Variants in POLR1B observed in about 807,000 individuals in gnomAD.
POLR1B encodes DNA-directed RNA polymerase I subunit RPA2.
A neutral mutation model predicts 105.8 loss-of-function variants in POLR1B; 30 were observed. The ratio of observed to expected loss-of-function variants is 0.28; its 90% CI spans 0.21 to 0.38. POLR1B has a LOEUF of 0.38. Ranked by LOEUF, POLR1B falls within the 10% of genes least tolerant of loss-of-function variation. The pLI, the probability that POLR1B is intolerant of heterozygous loss-of-function variation, is 1.00. For missense variants in POLR1B, 976 were observed against 1,435.8 expected (o/e 0.68, Z 5.17); for synonymous variants, 485 against 505.1 (o/e 0.96, Z 0.53).
chr2:112,542,481 G>T lies in POLR1B; in HGVS notation c.-14G>T, dbSNP rs1436120868. On this transcript the variant is annotated 5_prime_UTR_variant, in exon 1 of 15. Coordinates refer to ENST00000263331, the MANE Select transcript of POLR1B (RefSeq NM_019014.6). Reference sequence around the variant, plus strand: ...GTGTACCGAGAGACTGGCGTCCGGTGTGCAGGTGGCCACATGGATCCTGGC... The same window carrying T: ...GTGTACCGAGAGACTGGCGTCCGGTTTGCAGGTGGCCACATGGATCCTGGC... 38 of 1,613,384 alleles carry T rather than the reference G, an allele frequency of 2.4e-5. No individual in the cohort carries two copies. Among genetic ancestry groups the T allele is most frequent in the Non-Finnish European group, 3.1e-5 (36 of 1,179,968 alleles).
chr2:112,559,188 T>C, intron 8 of POLR1B, 105 bp from the exon 9 acceptor site: 10 of 1,286,266 alleles, frequency 7.8e-6, no homozygotes, highest in Non-Finnish European at 1.1e-5. Flanking sequence ...TAATAATTCA[T>C]TCTATGATCT....
At chr2:112,566,934 T>C (rs1684313027) in intron 10 of POLR1B, among the ~76,000 whole-genome samples, 2 of 152,132 alleles carry the variant, frequency 1.3e-5, no homozygotes, top group Non-Finnish European at 2.9e-5. Context: ...GGTTTCTCCA[T>C]GTTGCCCCGG....
intron 10 of POLR1B, among the ~76,000 whole-genome samples, chr2:112,566,613 G>A (rs1057183218): frequency 6.6e-6 from 1 of 152,130 alleles, no homozygotes; most frequent in Non-Finnish European, 1.5e-5. Context: ...GAAAGTGTAT[G>A]AGATTTGATC....
rs1213649698 is a variant in POLR1B at position 112,575,546 on chromosome 2, T to C, written c.3225T>C (p.Ser1075=). 3 of 1,614,184 alleles carry C rather than the reference T, an allele frequency of 1.9e-6. No individual in the cohort carries two copies. The highest frequency in any genetic ancestry group is 4.5e-5 in the East Asian group (2 of 44,884). Residue 1075 remains serine, a synonymous_variant, in exon 15 of 15, where the codon AGT becomes AGC. Transcript: ENST00000263331. The surrounding 1 kb of genome is among the most constrained non-coding windows in gnomAD (Gnocchi z 5.3). ...SVAHVCVKCG[S]LLSPLLEKPP... ...CCCATGTGTGTGTGAAGTGTGGCAG[T>C]TTACTCTCTCCACTGTTGGAGAAGC...
At position 112,568,023 on chromosome 2, in the gene POLR1B, A is replaced by T. The variant is rs1452765693; in HGVS notation, c.1803A>T (p.Thr601=). 3 of 1,614,172 alleles carry T rather than the reference A, an allele frequency of 1.9e-6. No homozygotes were observed. Among genetic ancestry groups the T allele is most frequent in the Admixed American group, 1.7e-5 (1 of 60,034 alleles). The change falls in exon 11 of 15, where the codon ACA becomes ACT. Residue 601 remains threonine (T), a synonymous_variant. Coordinates refer to ENST00000263331, the MANE Select transcript of POLR1B (RefSeq NM_019014.6). Reference sequence around the variant, plus strand: ...TGGAAGTGGTCCTTATACCCATGACAGGAAAACCAAGTCTGTACCCAGGAT... The same window carrying T: ...TGGAAGTGGTCCTTATACCCATGACTGGAAAACCAAGTCTGTACCCAGGAT... ...PWMEVVLIPM[T]GKPSLYPGLF...
rs762890024 is a variant in POLR1B, at chr2:112,566,390, T to TG, written c.1747-1577_1747-1576insG. On this transcript the variant is annotated intron_variant, in intron 10 of 14. Transcript: ENST00000263331. Reference sequence around the variant, plus strand: ...GTTGATGGATTATTAGCTGAATTACTATTCCATTGGTGGTTCTTTGCTGAG... The same window carrying TG: ...GTTGATGGATTATTAGCTGAATTACTGATTCCATTGGTGGTTCTTTGCTGAG... Among the ~76,000 whole-genome samples the TG allele has an allele frequency of 3.9e-5, 6 of 152,364 alleles. No homozygotes were observed. The South Asian group carries it at 1.2e-3, about 32-fold the overall frequency.
intron 9 of POLR1B, among the ~76,000 whole-genome samples, chr2:112,563,999 C>A (rs1357061079): frequency 6.6e-6 from 1 of 152,168 alleles, no homozygotes; most frequent in Middle Eastern, 3.2e-3. Flanking sequence ...TAGCTTCAGG[C>A]TCTACTTCTA....
In POLR1B at chr2:112,571,837, C is replaced by G. The variant is rs186246164; in HGVS notation, c.2075-725C>G. Among the ~76,000 whole-genome samples the G allele has an allele frequency of 3.8e-4, 58 of 152,240 alleles. 1 individual carries two copies. In the East Asian group the frequency reaches 7.9e-3, roughly 21 times the overall value. On this transcript the variant is annotated intron_variant, in intron 12 of 14. Coordinates refer to ENST00000263331, the MANE Select transcript of POLR1B (RefSeq NM_019014.6). ...ATACTTAAAAACCTGGAAATTCACCCAGTGTGTTCCTTTTGTCCAAGTAAA... is the reference window on the plus strand; with the variant it reads ...ATACTTAAAAACCTGGAAATTCACCGAGTGTGTTCCTTTTGTCCAAGTAAA...
chr2:112,558,636 T>G (rs13002935), intron 8 of POLR1B, among the ~76,000 whole-genome samples: 5 of 152,092 alleles, frequency 3.3e-5, no homozygotes. Flanking sequence ...TTTTCTTTTT[T>G]GAGTCAGGGT....
chr2:112,569,399 A>AG (rs1266930906), intron 12 of POLR1B, among the ~76,000 whole-genome samples: 1 of 152,092 alleles, frequency 6.6e-6, no homozygotes, highest in Non-Finnish European at 1.5e-5. Context: ...TTATCTGAAA[A>AG]TGTCTTTATT....
rs763593327 is a variant in POLR1B at position 112,542,684 on chromosome 2, T to C, written c.177+13T>C. 1.2e-6 allele frequency: 2 copies of C among 1,610,228 alleles called. No individual in the cohort carries two copies. The highest frequency in any genetic ancestry group is 1.7e-6 in the Non-Finnish European group (2 of 1,178,128). ...CCTCGCGGTGCAGGTGAGCGCGGCG[T>C]CCGCCGGCGCCCTTGCCGCGGCGAG... On this transcript the variant is annotated intron_variant, in intron 1 of 14. Transcript: ENST00000263331.
intron 12 of POLR1B, among the ~76,000 whole-genome samples, chr2:112,572,223 T>G (rs749068581): frequency 5.3e-5 from 8 of 152,220 alleles, no homozygotes; most frequent in Non-Finnish European, 1.0e-4. Context: ...ACTTCCTTTC[T>G]GTCCCCTTCT....
At chr2:112,547,230 T>C in intron 2 of POLR1B, 51 bp downstream of exon 2, 2 of 1,597,056 alleles carry the variant, frequency 1.3e-6, no homozygotes, top group Non-Finnish European at 1.7e-6. Flanking sequence ...TATTTGGGAG[T>C]AGGGCGGGTG....
chr2:112,563,592 G>A (rs1297835203), intron 9 of POLR1B, among the ~76,000 whole-genome samples: 1 of 152,048 alleles, frequency 6.6e-6, no homozygotes, highest in African/African-American at 2.4e-5. Flanking sequence ...CATTTCTTGA[G>A]ATCCCATCTC....
At position 112,551,816 on chromosome 2, in the gene POLR1B, C is replaced by T. The variant is rs184669361; in HGVS notation, c.804C>T (p.Leu268=). Residue 268 remains leucine (L), a synonymous_variant, in exon 6 of 15, where the codon CTC becomes CTT. Coordinates refer to ENST00000263331, the MANE Select transcript of POLR1B (RefSeq NM_019014.6). ...SFSDYQIFQE[L]IKGKEDDSFL... ...CTGATTATCAGATCTTTCAGGAGCTCATCAAAGGAAAAGAGGATGATTCTT... is the reference window on the plus strand; with the variant it reads ...CTGATTATCAGATCTTTCAGGAGCTTATCAAAGGAAAAGAGGATGATTCTT... The T allele has an allele frequency of 6.2e-7, 1 of 1,614,118 alleles. No individual in the cohort carries two copies. The highest frequency in any genetic ancestry group is 8.5e-7 in the Non-Finnish European group (1 of 1,180,000).
Position 112,573,739 on chromosome 2 carries a change from G to A in POLR1B, c.2449G>A (p.Ala817Thr). 6.2e-7 allele frequency: 1 copy of A among 1,614,224 alleles called. No homozygotes were observed. Among genetic ancestry groups the A allele is most frequent in the Non-Finnish European group, 8.5e-7 (1 of 1,180,044 alleles). Residue 817 changes from alanine to threonine, a missense_variant, in exon 14 of 15, where the codon GCA (alanine) becomes ACA (threonine). Ala to Thr is a moderately conservative substitution (Grantham distance 58). Transcript: ENST00000263331. ...LDDDGLPFIG[A>T]KLQYGDPYYS... is the part of the protein sequence containing the mutation. ...TGACGATGGATTGCCGTTTATAGGA[G>A]CAAAACTGCAGTACGGAGATCCGTA...
In POLR1B at chr2:112,579,208, CAAAAAAAAAAAAAAAAAAA is replaced by C. The variant is rs56190123; in HGVS notation, c.*3493_*3511del. ...GGGCAACAGAGCAAGACTAGAGTCT[CAAAAAAAAAAAAAAAAAAA>C]AAAAAAAAAAAAAGGAAAGCAAAAT... On this transcript the variant is annotated 3_prime_UTR_variant, in exon 15 of 15. Transcript: ENST00000263331. 3.4e-5 allele frequency among the ~76,000 whole-genome samples: 2 copies of C among 58,662 alleles called. No homozygotes were observed. Among genetic ancestry groups the C allele is most frequent in the African/African-American group, 7.1e-5 (1 of 14,074 alleles). The allele number at this position is 58,662 out of a possible 152,430, so 38.5% of individuals were successfully genotyped here. A position where few individuals can be genotyped will look rare whatever the true frequency, so the allele number is the denominator to read the frequency against.
At chr2:112,563,040 ATTTC>A (rs1325739246) in intron 9 of POLR1B, among the ~76,000 whole-genome samples, 1 of 135,606 alleles carries the variant, frequency 7.4e-6, no homozygotes, top group Non-Finnish European at 1.6e-5. Flanking sequence ...GCTTGTGACA[ATTTC>A]TTTCTTTTTT....
chr2:112,566,283 T>C (rs984814498), intron 10 of POLR1B, among the ~76,000 whole-genome samples: 1 of 152,244 alleles, frequency 6.6e-6, no homozygotes, highest in Non-Finnish European at 1.5e-5. Context: ...GTACAGTTTC[T>C]GTTTTTCTCT....
Sources: gnomAD v4.1 joint callset for allele counts (sites outside exome capture counted in the v4.1 genomes callset) on GRCh38, gnomAD v4.1.1 for gene constraint, Gnocchi (gnomAD v3.1) non-coding constraint, MANE v1.5 for transcripts, NCBI Gene and HGNC (gene_info 2026-07-23, HGNC 2026-07-21) for gene names.